Variants in SPRED2 observed in about 807,000 individuals in gnomAD.
SPRED2 encodes the protein sprouty related EVH1 domain containing 2, also known as sprouty-related, EVH1 domain-containing protein 2.
In SPRED2, 47 loss-of-function variants were observed where a neutral mutation model predicts 43.0. That is an observed-to-expected ratio of 1.09 (90% CI 0.87 to 1.40). SPRED2 has a LOEUF of 1.40. Ranked by LOEUF, SPRED2 falls within the 40% of genes most tolerant of loss-of-function variation. SPRED2 has a pLI of 0.00. For synonymous variants in SPRED2, 225 were observed against 225.7 expected (o/e 1.00, Z 0.03); for missense variants, 561 against 586.4 (o/e 0.96, Z 0.45).
intron 1 of SPRED2, among the ~76,000 whole-genome samples, chr2:65,409,495 A>G (rs1676101217): frequency 6.6e-6 from 1 of 152,204 alleles, no homozygotes; most frequent in African/African-American, 2.4e-5. Context: ...TTGTATTTCT[A>G]TTGGACAGCA....
intron 4 of SPRED2, among the ~76,000 whole-genome samples, chr2:65,319,251 C>A (rs1037391744): frequency 6.6e-6 from 1 of 152,172 alleles, no homozygotes; most frequent in Admixed American, 6.5e-5. Context: ...TGCTTCTGAT[C>A]CCCCAAGCCA....
At chr2:65,384,137 G>T (rs986923477) in intron 1 of SPRED2, among the ~76,000 whole-genome samples, 2 of 151,882 alleles carry the variant, frequency 1.3e-5, no homozygotes, top group Non-Finnish European at 2.9e-5. Flanking sequence ...GGCCGCTCTC[G>T]GCCTCCTTCC....
At chr2:65,319,099 A>G (rs1673330253) in intron 4 of SPRED2, among the ~76,000 whole-genome samples, 1 of 152,224 alleles carries the variant, frequency 6.6e-6, no homozygotes, top group Non-Finnish European at 1.5e-5. Flanking sequence ...ATTTAGGAAA[A>G]ACACACCCAT....
chr2:65,314,124 C>T lies in SPRED2; in HGVS notation c.634G>A (p.Glu212Lys). 1 of 1,605,254 alleles carries T rather than the reference C, an allele frequency of 6.2e-7. No individual in the cohort carries two copies. Among genetic ancestry groups the T allele is most frequent in the South Asian group, 1.1e-5 (1 of 90,832 alleles). Reference protein sequence around the residue: ...YRQVSFPDDDEEIVRINPREK... With the variant: ...YRQVSFPDDDKEIVRINPREK... ...CGGGGGTTGATGCGCACGATCTCCTCGTCGTCGTCCGGGAAGCTCACCTGG... is the reference window on the plus strand; with the variant it reads ...CGGGGGTTGATGCGCACGATCTCCTTGTCGTCGTCCGGGAAGCTCACCTGG... Residue 212 changes from glutamate to lysine, a missense_variant, in exon 6 of 6, where the codon GAG becomes AAG. Around this residue, in one of 6 missense-constraint regions of SPRED2, gnomAD observed 305 missense variants for 282.4 expected, o/e 1.08. Transcript: ENST00000356388.
chr2:65,345,644 G>A (rs1304460870), intron 1 of SPRED2, among the ~76,000 whole-genome samples: 1 of 152,150 alleles, frequency 6.6e-6, no homozygotes, highest in Non-Finnish European at 1.5e-5. Context: ...ATTTTATAAA[G>A]CCAAGAATCT....
At chr2:65,401,796 T>A (rs1041267840) in intron 1 of SPRED2, among the ~76,000 whole-genome samples, 2 of 151,598 alleles carry the variant, frequency 1.3e-5, no homozygotes, top group African/African-American at 4.9e-5. Context: ...CCAGACTCTG[T>A]CTCAAAAAAT....
chr2:65,422,964 G>A (rs1676468111), intron 1 of SPRED2, among the ~76,000 whole-genome samples: 1 of 152,050 alleles, frequency 6.6e-6, no homozygotes, highest in Admixed American at 6.6e-5. Flanking sequence ...TAAGCAAAAG[G>A]GAGAAATGTA....
At chr2:65,309,792 G>A (rs575064034), downstream of SPRED2, among the ~76,000 whole-genome samples, 8 of 152,292 alleles carry the variant, frequency 5.3e-5, no homozygotes, top group East Asian at 7.7e-4. Context: ...CTATACCTGA[G>A]GCAGCCTGAG....
chr2:65,396,502 T>C (rs1487501002), intron 1 of SPRED2, among the ~76,000 whole-genome samples: 2 of 152,220 alleles, frequency 1.3e-5, no homozygotes, highest in South Asian at 2.1e-4. Context: ...GTCCTGCATA[T>C]AGCAGAAACT....
At chr2:65,348,464 G>T (rs1674414453) in intron 1 of SPRED2, among the ~76,000 whole-genome samples, 1 of 151,772 alleles carries the variant, frequency 6.6e-6, no homozygotes, top group Admixed American at 6.6e-5. Flanking sequence ...ACAGGTTGCG[G>T]AATGAATGGG....
chr2:65,308,651 T>C (rs1294925606), downstream of SPRED2: 2 of 798,762 alleles, frequency 2.5e-6, no homozygotes, highest in Admixed American at 6.2e-5. Context: ...AACTAAAGCA[T>C]ATCATTTAAC....
chr2:65,308,286 G>A (rs554199629), downstream of SPRED2: 100 of 985,054 alleles, frequency 1.0e-4, no homozygotes, highest in South Asian at 3.8e-4. Context: ...CTGCCCTCTC[G>A]GCAAAACCGC....
chr2:65,322,737 T>C (rs1051023744), intron 4 of SPRED2, among the ~76,000 whole-genome samples: 2 of 152,230 alleles, frequency 1.3e-5, no homozygotes, highest in African/African-American at 4.8e-5. Flanking sequence ...GAATTTCTAT[T>C]AGATATAATA....
At chr2:65,337,824 T>G (rs904866654) in intron 2 of SPRED2, among the ~76,000 whole-genome samples, 1 of 152,236 alleles carries the variant, frequency 6.6e-6, no homozygotes, top group South Asian at 2.1e-4. Flanking sequence ...ATTTACATCC[T>G]TATCTATATT....
chr2:65,338,754 T>C (rs1375708982), intron 2 of SPRED2, among the ~76,000 whole-genome samples: 3 of 148,276 alleles, frequency 2.0e-5, no homozygotes, highest in East Asian at 2.0e-4. Flanking sequence ...TCTGCCTGGC[T>C]GCCCATCGTC....
At position 65,334,821 on chromosome 2, in the gene SPRED2, T is replaced by C. The variant is rs751988959; in HGVS notation, c.205-48A>G. 5.6e-6 allele frequency: 9 copies of C among 1,599,460 alleles called. No individual in the cohort carries two copies. In the East Asian group the frequency reaches 1.8e-4, roughly 32 times the overall value. Reference sequence around the variant, plus strand: ...CTGGTTACTAGTGGAACAGCCATGATGATGTCTGGTTACAGAAGTCTAATT... The same window carrying C: ...CTGGTTACTAGTGGAACAGCCATGACGATGTCTGGTTACAGAAGTCTAATT... On this transcript the variant is annotated intron_variant, in intron 2 of 5. Coordinates refer to ENST00000356388, the MANE Select transcript of SPRED2 (RefSeq NM_181784.3).
intron 3 of SPRED2, 103 bp from the exon 4 acceptor site, chr2:65,332,154 G>T: frequency 1.5e-6 from 1 of 645,238 alleles, no homozygotes; most frequent in Non-Finnish European, 2.6e-6. Flanking sequence ...CATTCTTTTT[G>T]CATGTGAATT....
chr2:65,425,911 C>G (rs1676545111), intron 1 of SPRED2, among the ~76,000 whole-genome samples: 1 of 152,180 alleles, frequency 6.6e-6, no homozygotes, highest in African/African-American at 2.4e-5. Flanking sequence ...TCTGGTCTGC[C>G]TCTATTATCA....
rs79595637 is a variant in SPRED2, at chr2:65,405,861, G to T, written c.26+26101C>A. On this transcript the variant is annotated intron_variant, in intron 1 of 5. Transcript: ENST00000356388. Reference sequence around the variant, plus strand: ...CACCCAGAGCACTCCTATTTGAGAAGACCCGGACTTCTTTGCTAAGTGACT... The same window carrying T: ...CACCCAGAGCACTCCTATTTGAGAATACCCGGACTTCTTTGCTAAGTGACT... Among the ~76,000 whole-genome samples the T allele has an allele frequency of 7.3e-3, 1,108 of 152,050 alleles. 23 individuals carry two copies. Among genetic ancestry groups the T allele is most frequent in the African/African-American group, 0.025 (1,023 of 41,484 alleles).
Sources: allele counts gnomAD v4.1 joint callset (sites outside exome capture counted in the v4.1 genomes callset), GRCh38; gene constraint gnomAD v4.1.1; regional missense constraint gnomAD v4.1.1; transcripts MANE v1.5; gene names NCBI Gene and HGNC (gene_info 2026-07-23, HGNC 2026-07-21).